The following TRPC1 variants were observed in gnomAD, a reference collection of about 807,000 sequenced individuals.
TRPC1 encodes the protein transient receptor potential cation channel subfamily C member 1, also known as short transient receptor potential channel 1.
Under a neutral mutation model 88.2 loss-of-function variants are expected in TRPC1, and 42 were observed. That is an observed-to-expected ratio of 0.48 (90% CI 0.37 to 0.62). The LOEUF (loss-of-function observed/expected upper bound fraction) is 0.62. TRPC1 is among the 20% of genes least tolerant of loss of function. The pLI is 0.00. For synonymous variants in TRPC1, 288 were observed against 331.8 expected (o/e 0.87, Z 1.43); for missense variants, 699 against 957.3 (o/e 0.73, Z 3.56).
intron 1 of TRPC1, among the ~76,000 whole-genome samples, chr3:142,735,931 T>C (rs1025104591): frequency 6.6e-6 from 1 of 152,200 alleles, no homozygotes; most frequent in African/African-American, 2.4e-5. Flanking sequence ...CCTCTGCTTA[T>C]TACTAGATCT....
chr3:142,797,048 C>T (rs534062846), intron 9 of TRPC1, among the ~76,000 whole-genome samples: 73 of 151,192 alleles, frequency 4.8e-4, no homozygotes, highest in African/African-American at 1.8e-3. Flanking sequence ...TGTAAAACAT[C>T]ACCACCTTTT....
At chr3:142,727,106 C>A (rs577051197) in intron 1 of TRPC1, among the ~76,000 whole-genome samples, 1 of 152,290 alleles carries the variant, frequency 6.6e-6, no homozygotes, top group Admixed American at 6.5e-5. Context: ...AAAGACACAT[C>A]CATATTTGGA....
At chr3:142,804,288 TTTAAA>T in intron 11 of TRPC1, 110 bp downstream of exon 11, 1 of 1,196,756 alleles carries the variant, frequency 8.4e-7, no homozygotes, top group Non-Finnish European at 1.1e-6. Flanking sequence ...AAATAGTATT[TTTAAA>T]TTAAATATAG....
Position 142,807,456 on chromosome 3 carries a change from A to G in TRPC1, c.*1221A>G, listed in dbSNP as rs1291158349. 6.6e-6 allele frequency: 1 copy of G among 152,230 alleles called. No individual in the cohort carries two copies. Among genetic ancestry groups the G allele is most frequent in the Non-Finnish European group, 1.5e-5 (1 of 68,024 alleles). 9.4% of individuals were successfully genotyped at this position (152,230 alleles called of 1,614,324 possible). On this transcript the variant is annotated 3_prime_UTR_variant, in exon 13 of 13. Coordinates refer to ENST00000476941, the MANE Select transcript of TRPC1 (RefSeq NM_001251845.2). ...TATATTCTCGCAGCATTTCCAGTTA[A>G]GAGGATATTAGGTATATAATTCTCT...
At chr3:142,747,795 T>A (rs935681432) in intron 3 of TRPC1, among the ~76,000 whole-genome samples, 4 of 152,236 alleles carry the variant, frequency 2.6e-5, no homozygotes, top group African/African-American at 9.6e-5. Context: ...AGTAGCTGCA[T>A]TGCTGTCAAT....
At chr3:142,800,053 A>G (rs112049122) in intron 9 of TRPC1, among the ~76,000 whole-genome samples, 31 of 152,284 alleles carry the variant, frequency 2.0e-4, no homozygotes, top group African/African-American at 7.2e-4. Flanking sequence ...TATCAAAAGC[A>G]GTTACTGTAT....
At chr3:142,749,358 A>G (rs895338173) in intron 4 of TRPC1, among the ~76,000 whole-genome samples, 14 of 152,198 alleles carry the variant, frequency 9.2e-5, no homozygotes, top group African/African-American at 3.4e-4. Context: ...TACTTTTATC[A>G]TTATGTTAGT....
intron 4 of TRPC1, among the ~76,000 whole-genome samples, chr3:142,774,630 T>A (rs1189273235): frequency 1.3e-5 from 2 of 152,200 alleles, no homozygotes; most frequent in Non-Finnish European, 2.9e-5. Context: ...ACTGGCAGTT[T>A]TTCAACAATC....
intron 4 of TRPC1, among the ~76,000 whole-genome samples, chr3:142,764,013 TATA>T (rs1935299642): frequency 8.9e-6 from 1 of 112,418 alleles, no homozygotes; most frequent in African/African-American, 3.8e-5. Flanking sequence ...TATATATATA[TATA>T]ACAAATTATT....
At chr3:142,795,020 AAG>A (rs1936409450) in intron 9 of TRPC1, among the ~76,000 whole-genome samples, 1 of 152,134 alleles carries the variant, frequency 6.6e-6, no homozygotes, top group Non-Finnish European at 1.5e-5. Flanking sequence ...ATGTAAAAAA[AAG>A]AAAAAAACAC....
intron 9 of TRPC1, 63 bp from the exon 10 acceptor site, chr3:142,802,106 T>C (rs1936637604): frequency 8.5e-7 from 1 of 1,181,210 alleles, no homozygotes; most frequent in African/African-American, 1.6e-5. Flanking sequence ...TGCTGGGTCA[T>C]TTATATTTAA....
Position 142,777,783 on chromosome 3 carries a change from A to G in TRPC1, c.764+20A>G, listed in dbSNP as rs1935832462. Reference sequence around the variant, plus strand: ...ATTCAGGTGGGAATGAATGCAAATTATATAATGTATTTTGTTTTAAATCTT... The same window carrying G: ...ATTCAGGTGGGAATGAATGCAAATTGTATAATGTATTTTGTTTTAAATCTT... On this transcript the variant is annotated intron_variant, in intron 5 of 12. Coordinates refer to ENST00000476941, the MANE Select transcript of TRPC1 (RefSeq NM_001251845.2). 1 of 1,596,306 alleles carries G rather than the reference A, an allele frequency of 6.3e-7. No individual in the cohort carries two copies. The highest frequency in any genetic ancestry group is 1.1e-5 in the South Asian group (1 of 87,330).
At chr3:142,787,690 T>C (rs968327456) in intron 7 of TRPC1, among the ~76,000 whole-genome samples, 1 of 152,058 alleles carries the variant, frequency 6.6e-6, no homozygotes, top group Non-Finnish European at 1.5e-5. Flanking sequence ...AAAAGCCAAA[T>C]AAAACCATCA....
intron 4 of TRPC1, among the ~76,000 whole-genome samples, chr3:142,770,791 A>G (rs1935549087): frequency 6.6e-6 from 1 of 151,856 alleles, no homozygotes. Context: ...TGTCTTTTGC[A>G]TTGAGTATAT....
intron 4 of TRPC1, among the ~76,000 whole-genome samples, chr3:142,775,626 A>G (rs985257577): frequency 6.6e-6 from 1 of 152,198 alleles, no homozygotes; most frequent in Non-Finnish European, 1.5e-5. Context: ...CAAAAAAAAA[A>G]AGTATTTGAA....
intron 6 of TRPC1, among the ~76,000 whole-genome samples, chr3:142,781,394 C>T (rs7641418): frequency 0.029 from 4,419 of 152,116 alleles, 227 homozygotes; most frequent in African/African-American, 0.1. Context: ...AGTGAAGTTT[C>T]CATCTTGTGT....
At chr3:142,804,740 CT>C (rs889047787) in intron 12 of TRPC1, 110 bp downstream of exon 12, 10 of 889,156 alleles carry the variant, frequency 1.1e-5, no homozygotes, top group Middle Eastern at 3.1e-4. Context: ...GACTGTCTGA[CT>C]TTTTTTCACT....
At chr3:142,763,983 T>TATATATATATATATATATATACACAC (rs1441314374) in intron 4 of TRPC1, among the ~76,000 whole-genome samples, 12 of 74,322 alleles carry the variant, frequency 1.6e-4, no homozygotes, top group Non-Finnish European at 2.4e-4. Context: ...TATATATATA[T>TATATATATATATATATATATACACAC]ACACATACAT....
rs765661626 is a variant in TRPC1 at position 142,806,986 on chromosome 3, A to AGAT, written c.*753_*755dup. ...ATAGTTTTTGAAAAATACAGTCAGT[A>AGAT]GATGTTTTATTTTTTAGCTATTCAG... is the stretch of plus-strand genomic sequence containing the variant. On this transcript the variant is annotated 3_prime_UTR_variant, in exon 13 of 13. Coordinates refer to ENST00000476941, the MANE Select transcript of TRPC1 (RefSeq NM_001251845.2). 7.9e-5 allele frequency: 12 copies of AGAT among 152,016 alleles called. No homozygotes were observed. Among genetic ancestry groups the AGAT allele is most frequent in the Non-Finnish European group, 1.3e-4 (9 of 67,988 alleles). 9.4% of individuals were successfully genotyped at this position (152,016 alleles called of 1,614,324 possible).
Sources: gnomAD v4.1 joint callset for allele counts (sites outside exome capture counted in the v4.1 genomes callset) on GRCh38, gnomAD v4.1.1 for gene constraint, MANE v1.5 for transcripts, NCBI Gene and HGNC (gene_info 2026-07-23, HGNC 2026-07-21) for gene names.